The following PDE1A variants were observed in gnomAD, a reference collection of about 807,000 sequenced individuals.
The protein encoded by PDE1A is phosphodiesterase 1A.
In PDE1A, 35 loss-of-function variants were observed where a neutral mutation model predicts 61.7. That is an observed-to-expected ratio of 0.57 (90% confidence interval 0.43 to 0.75). The LOEUF is 0.75. Ranked by LOEUF, PDE1A falls within the 30% of genes least tolerant of loss-of-function variation. The pLI, the probability that PDE1A is intolerant of heterozygous loss-of-function variation, is 0.00. For synonymous variants in PDE1A, 232 were observed against 213.2 expected (o/e 1.09, Z -0.77); for missense variants, 597 against 630.6 (o/e 0.95, Z 0.57).
chr2:182,427,736 C>T (rs533633269), upstream of PDE1A, among the ~76,000 whole-genome samples: 6 of 152,170 alleles, frequency 3.9e-5, no homozygotes, highest in Non-Finnish European at 8.8e-5. Context: ...AGGGAATGCT[C>T]GTATTTTAAT....
intron 1 of PDE1A, among the ~76,000 whole-genome samples, chr2:182,402,557 C>T (rs191061052): frequency 1.4e-4 from 22 of 152,224 alleles, no homozygotes; most frequent in Admixed American, 4.6e-4. Flanking sequence ...AATGTAAAGC[C>T]CCAAACCATA....
At chr2:182,555,598 A>T in the PDE1A span, among the ~76,000 whole-genome samples, 9 of 152,346 alleles carry the variant, frequency 5.9e-5, no homozygotes, top group East Asian at 1.5e-3. Context: ...AATTTTGCCC[A>T]GAACATATTC....
chr2:182,278,854 A>G (rs1356552013), intron 1 of PDE1A, among the ~76,000 whole-genome samples: 1 of 152,032 alleles, frequency 6.6e-6, no homozygotes, highest in Non-Finnish European at 1.5e-5. Flanking sequence ...TCTTTTTACA[A>G]TTTTTAACTT....
At chr2:182,711,165 G>A in the PDE1A span, among the ~76,000 whole-genome samples, 6 of 152,284 alleles carry the variant, frequency 3.9e-5, no homozygotes, top group South Asian at 6.2e-4. Context: ...CCCTGCCAGA[G>A]AACAGCCTGG....
chr2:182,471,291 T>C (rs1326878167), intron 2 of PDE1A, among the ~76,000 whole-genome samples: 5 of 151,836 alleles, frequency 3.3e-5, no homozygotes, highest in Middle Eastern at 3.4e-3. Flanking sequence ...ATGAAAAATA[T>C]GAATAAGAAG....
intron 2 of PDE1A, among the ~76,000 whole-genome samples, chr2:182,466,178 A>G (rs1686646425): frequency 6.6e-6 from 1 of 151,896 alleles, no homozygotes; most frequent in Non-Finnish European, 1.5e-5. Flanking sequence ...TGAATACCTC[A>G]GTCCTCTTTA....
At chr2:182,270,736 T>C (rs1692958240) in intron 1 of PDE1A, among the ~76,000 whole-genome samples, 1 of 151,264 alleles carries the variant, frequency 6.6e-6, no homozygotes, top group Admixed American at 6.6e-5. Context: ...TATATTAATA[T>C]TAACATTAAA....
chr2:182,665,612 T>C, the PDE1A span, among the ~76,000 whole-genome samples: 1 of 152,158 alleles, frequency 6.6e-6, no homozygotes, highest in South Asian at 2.1e-4. Context: ...TTTTACACTG[T>C]TGGTGGGAAT....
chr2:182,398,734 A>G (rs1162939919), intron 1 of PDE1A, among the ~76,000 whole-genome samples: 1 of 152,028 alleles, frequency 6.6e-6, no homozygotes, highest in East Asian at 1.9e-4. Flanking sequence ...GCTATCTTAA[A>G]TCTTACTAGT....
At chr2:182,601,378 G>A in the PDE1A span, among the ~76,000 whole-genome samples, 1 of 152,224 alleles carries the variant, frequency 6.6e-6, no homozygotes, top group African/African-American at 2.4e-5. Context: ...CAGAAGCTCA[G>A]AGATTCCAAA....
the PDE1A span, among the ~76,000 whole-genome samples, chr2:182,715,756 T>C: frequency 6.6e-6 from 1 of 152,280 alleles, no homozygotes; most frequent in Non-Finnish European, 1.5e-5. Context: ...AAATTGTAAA[T>C]GTTTTAATTT....
the PDE1A span, among the ~76,000 whole-genome samples, chr2:182,660,690 G>T: frequency 4.2e-4 from 64 of 152,306 alleles, no homozygotes; most frequent in African/African-American, 1.5e-3. Context: ...TGCTTAGAGA[G>T]GTGCCCAGAC....
the PDE1A span, among the ~76,000 whole-genome samples, chr2:182,612,441 T>G: frequency 2.0e-5 from 3 of 152,224 alleles, no homozygotes; most frequent in Non-Finnish European, 4.4e-5. Context: ...ATTACACAAA[T>G]GCATCAGTAG....
At chr2:182,218,176 A>AC (rs957527621) in intron 7 of PDE1A, among the ~76,000 whole-genome samples, 47 of 149,610 alleles carry the variant, frequency 3.1e-4, no homozygotes, top group Non-Finnish European at 5.5e-4. Context: ...AGAACAAAAA[A>AC]CCAAACACCG....
intron 1 of PDE1A, among the ~76,000 whole-genome samples, chr2:182,281,264 C>G (rs538672176): frequency 6.6e-6 from 1 of 151,780 alleles, no homozygotes; most frequent in Non-Finnish European, 1.5e-5. Flanking sequence ...TTCTATAACA[C>G]GGATGCTGGT....
chr2:182,710,792 T>C, the PDE1A span, among the ~76,000 whole-genome samples: 1 of 152,236 alleles, frequency 6.6e-6, no homozygotes, highest in East Asian at 1.9e-4. Context: ...ACCTTGGCTC[T>C]TGTGAATATT....
At chr2:182,171,976 T>C (rs1025291080) in intron 13 of PDE1A, among the ~76,000 whole-genome samples, 2 of 151,930 alleles carry the variant, frequency 1.3e-5, no homozygotes, top group African/African-American at 4.8e-5. Flanking sequence ...TTGCATGCAT[T>C]ACTCATATTG....
At chr2:182,376,252 T>A (rs1042891300) in intron 1 of PDE1A, among the ~76,000 whole-genome samples, 1 of 152,196 alleles carries the variant, frequency 6.6e-6, no homozygotes, top group Non-Finnish European at 1.5e-5. Context: ...ACTTTCATAC[T>A]CTTCTTCATT....
At chr2:182,365,890 C>A (rs1056417147) in intron 1 of PDE1A, among the ~76,000 whole-genome samples, 1 of 152,050 alleles carries the variant, frequency 6.6e-6, no homozygotes, top group Non-Finnish European at 1.5e-5. Context: ...TTGTACCCCA[C>A]AAACATTCAA....
Sources: allele counts gnomAD v4.1 joint callset (sites outside exome capture counted in the v4.1 genomes callset), GRCh38; gene constraint gnomAD v4.1.1; transcripts MANE v1.5; gene names NCBI Gene and HGNC (gene_info 2026-07-23, HGNC 2026-07-21).